Variants in CCBE1 observed in about 807,000 individuals in gnomAD.
CCBE1 encodes collagen and calcium-binding EGF domain-containing protein 1.
Under a neutral mutation model 50.0 loss-of-function variants are expected in CCBE1, and 37 were observed. The observed-to-expected ratio is 0.74, with a 90% confidence interval of 0.57 to 0.97. The LOEUF (loss-of-function observed/expected upper bound fraction) is 0.97, where lower values mean the gene tolerates loss of function less well. CCBE1 is among the 50% of genes least tolerant of loss of function. The pLI, the probability that CCBE1 is intolerant of heterozygous loss-of-function variation, is 0.00. For synonymous variants in CCBE1, 234 were observed against 203.7 expected, an observed-to-expected ratio of 1.15 and a Z score of -1.27; for missense variants, 538 against 523.8, an observed-to-expected ratio of 1.03 and a Z score of -0.26.
At chr18:59,653,826 C>T (rs1173554147) in intron 2 of CCBE1, among the ~76,000 whole-genome samples, 3 of 152,216 alleles carry the variant, frequency 2.0e-5, no homozygotes, top group African/African-American at 7.2e-5. Flanking sequence ...TTACTGATCC[C>T]TCTGATGAGA....
intron 2 of CCBE1, among the ~76,000 whole-genome samples, chr18:59,589,276 G>T (rs1027693949): frequency 6.6e-6 from 1 of 152,186 alleles, no homozygotes; most frequent in African/African-American, 2.4e-5. Flanking sequence ...ATTAGTGATA[G>T]AAAGCTTAAA....
chr18:59,487,212 T>C (rs994615561), intron 2 of CCBE1, among the ~76,000 whole-genome samples: 3 of 150,980 alleles, frequency 2.0e-5, no homozygotes, highest in Admixed American at 6.6e-5. Flanking sequence ...CCAATTTGCA[T>C]AATTTTCATC....
intron 2 of CCBE1, among the ~76,000 whole-genome samples, chr18:59,549,750 A>C (rs568382578): frequency 6.6e-6 from 1 of 152,218 alleles, no homozygotes; most frequent in Non-Finnish European, 1.5e-5. Flanking sequence ...TGTGGACAAC[A>C]AAGCACTTAT....
intron 2 of CCBE1, among the ~76,000 whole-genome samples, chr18:59,669,628 G>A (rs1394392713): frequency 6.6e-6 from 1 of 152,238 alleles, no homozygotes; most frequent in Non-Finnish European, 1.5e-5. Flanking sequence ...CAGGTCTCCA[G>A]GCTTAGACTG....
intron 2 of CCBE1, among the ~76,000 whole-genome samples, chr18:59,629,468 C>T (rs2144622828): frequency 6.6e-6 from 1 of 152,290 alleles, no homozygotes; most frequent in Non-Finnish European, 1.5e-5. Context: ...GCCTCTCTCC[C>T]TTTCTCCTTT....
chr18:59,652,146 T>C (rs946261412), intron 2 of CCBE1, among the ~76,000 whole-genome samples: 1 of 152,250 alleles, frequency 6.6e-6, no homozygotes, highest in South Asian at 2.1e-4. Flanking sequence ...TTATTTCATT[T>C]AACACAATGA....
At chr18:59,621,556 C>A (rs2053710402) in intron 2 of CCBE1, among the ~76,000 whole-genome samples, 1 of 152,204 alleles carries the variant, frequency 6.6e-6, no homozygotes, top group African/African-American at 2.4e-5. Context: ...TCATACCTGG[C>A]ATTACATGGG....
At position 59,471,062 on chromosome 18, in the gene CCBE1, T is replaced by G. The variant is rs2143738207; in HGVS notation, c.266-1455A>C. On this transcript the variant is annotated intron_variant, in intron 3 of 10. Transcript: ENST00000439986. ...AGGCAGCCAAGGTTCTGTGCTCTTT[T>G]TGTTGGAGAGCGTGATCCTGGCATG... 1.3e-5 allele frequency among the ~76,000 whole-genome samples: 2 copies of G among 152,340 alleles called. 1 individual carries two copies. The highest frequency in any genetic ancestry group is 4.1e-4 in the South Asian group (2 of 4,830).
chr18:59,541,392 A>G (rs1285091152), intron 2 of CCBE1, among the ~76,000 whole-genome samples: 1 of 152,220 alleles, frequency 6.6e-6, no homozygotes, highest in Non-Finnish European at 1.5e-5. Flanking sequence ...TTCTACATTA[A>G]ATAATTTAAG....
chr18:59,619,865 C>T (rs577634571), intron 2 of CCBE1, among the ~76,000 whole-genome samples: 25 of 152,226 alleles, frequency 1.6e-4, no homozygotes, highest in Middle Eastern at 3.4e-3. Flanking sequence ...TTTGATGAAA[C>T]CATTTTTATA....
intron 2 of CCBE1, among the ~76,000 whole-genome samples, chr18:59,504,761 G>A (rs1913791642): frequency 6.6e-6 from 1 of 152,090 alleles, no homozygotes; most frequent in African/African-American, 2.4e-5. Context: ...TCTAAATTCT[G>A]CCCACCCTTC....
intron 2 of CCBE1, among the ~76,000 whole-genome samples, chr18:59,566,444 A>T (rs946450948): frequency 1.3e-4 from 19 of 145,648 alleles, no homozygotes; most frequent in Non-Finnish European, 2.4e-4. Flanking sequence ...AAGCAAAAAT[A>T]AAAAAAAAAT....
chr18:59,518,511 G>T (rs1323630834), intron 2 of CCBE1, among the ~76,000 whole-genome samples: 2 of 152,214 alleles, frequency 1.3e-5, no homozygotes, highest in South Asian at 2.1e-4. Context: ...ATCTTCTCTT[G>T]TCATCATATT....
intron 2 of CCBE1, among the ~76,000 whole-genome samples, chr18:59,601,715 T>C (rs1447442201): frequency 2.0e-5 from 3 of 152,224 alleles, no homozygotes; most frequent in Admixed American, 6.5e-5. Flanking sequence ...TTTTAATTGC[T>C]TTTATTATCA....
chr18:59,563,793 G>C (rs1309006363), intron 2 of CCBE1: 1 of 152,212 alleles, frequency 6.6e-6, no homozygotes, highest in African/African-American at 2.4e-5. Flanking sequence ...TACCAGAGTT[G>C]TTCGTGATCA....
At chr18:59,623,788 C>T (rs145435963) in intron 2 of CCBE1, among the ~76,000 whole-genome samples, 37 of 152,260 alleles carry the variant, frequency 2.4e-4, no homozygotes, top group African/African-American at 7.7e-4. Context: ...ATTGAAAACA[C>T]GGCTGCTTTG....
In CCBE1 at chr18:59,466,746, A is replaced by T. The variant is rs1250702775; in HGVS notation, c.546T>A (p.Asn182Lys). The change falls in exon 5 of 11, where the codon AAT (asparagine) becomes AAA (lysine). Residue 182 changes from asparagine to lysine, a missense_variant. Coordinates refer to ENST00000439986, the MANE Select transcript of CCBE1 (RefSeq NM_133459.4). ...KTCTRGDKYP[N>K]DTGHEKSENM... ...TAGACTTGCCCTACTTACCAGTGTCATTGGGATATTTGTCTCCCCTGGTAC... is the reference window on the plus strand; with the variant it reads ...TAGACTTGCCCTACTTACCAGTGTCTTTGGGATATTTGTCTCCCCTGGTAC... 6.2e-7 allele frequency: 1 copy of T among 1,612,600 alleles called. No individual in the cohort carries two copies. The highest frequency in any genetic ancestry group is 8.5e-7 in the Non-Finnish European group (1 of 1,179,456).
intron 2 of CCBE1, among the ~76,000 whole-genome samples, chr18:59,645,055 A>G (rs1421894047): frequency 6.6e-6 from 1 of 152,154 alleles, no homozygotes; most frequent in Non-Finnish European, 1.5e-5. Flanking sequence ...GGAGATCGAG[A>G]CCATCCTGAC....
At chr18:59,617,519 G>C (rs1365121436) in intron 2 of CCBE1, among the ~76,000 whole-genome samples, 2 of 152,200 alleles carry the variant, frequency 1.3e-5, no homozygotes, top group Non-Finnish European at 2.9e-5. Context: ...TTTCCACCAG[G>C]GAGGTAACTG....
Sources: gnomAD v4.1 joint callset for allele counts (sites outside exome capture counted in the v4.1 genomes callset) on GRCh38, gnomAD v4.1.1 for gene constraint, MANE v1.5 for transcripts, NCBI Gene and HGNC (gene_info 2026-07-23, HGNC 2026-07-21) for gene names.